Variants in SKIC3 observed in about 807,000 individuals in gnomAD.
The protein encoded by SKIC3 is superkiller complex protein 3.
the SKIC3 span, among the ~76,000 whole-genome samples, chr5:95,544,195 G>A: frequency 1.3e-5 from 2 of 152,278 alleles, no homozygotes; most frequent in Middle Eastern, 6.8e-3. Context: ...CTAAGTCAGA[G>A]TAAAGGGAGC....
At chr5:95,504,063 C>T in the SKIC3 span, 1 of 263,812 alleles carries the variant, frequency 3.8e-6, no homozygotes, top group South Asian at 5.2e-5. Flanking sequence ...AATCCCAGCA[C>T]TTTGGGAGGC....
At chr5:95,522,555 T>C in the SKIC3 span, among the ~76,000 whole-genome samples, 1 of 152,088 alleles carries the variant, frequency 6.6e-6, no homozygotes, top group Admixed American at 6.6e-5. Context: ...TTCTTTTCCT[T>C]GATTATCTTG....
chr5:95,541,639 T>C, the SKIC3 span, among the ~76,000 whole-genome samples: 1 of 152,038 alleles, frequency 6.6e-6, no homozygotes, highest in South Asian at 2.1e-4. Context: ...GTCAATCCTC[T>C]TACTAGTAGT....
the SKIC3 span, chr5:95,495,245 T>C: frequency 2.0e-6 from 1 of 512,818 alleles, no homozygotes; most frequent in Non-Finnish European, 3.5e-6. Flanking sequence ...TTTCAAAATA[T>C]TCATTTGAAG....
chr5:95,513,478 C>G, the SKIC3 span: 12 of 1,351,050 alleles, frequency 8.9e-6, no homozygotes, highest in Non-Finnish European at 1.3e-5. Flanking sequence ...CAGGCATAAG[C>G]CACTATGCCT....
the SKIC3 span, among the ~76,000 whole-genome samples, chr5:95,481,767 T>C: frequency 6.6e-6 from 1 of 152,154 alleles, no homozygotes; most frequent in Non-Finnish European, 1.5e-5. Context: ...TTATGCCAGA[T>C]AATTTTTTCA....
At chr5:95,488,401 T>G in the SKIC3 span, among the ~76,000 whole-genome samples, 1 of 151,798 alleles carries the variant, frequency 6.6e-6, no homozygotes, top group South Asian at 2.1e-4. Context: ...CCATCAAAAG[T>G]CAAAGACAAA....
chr5:95,471,200 A>C, the SKIC3 span, among the ~76,000 whole-genome samples: 1 of 152,210 alleles, frequency 6.6e-6, no homozygotes, highest in Non-Finnish European at 1.5e-5. Context: ...GGCAAAGCAC[A>C]TTCTAATACA....
chr5:95,522,359 T>A, the SKIC3 span: 1 of 1,585,864 alleles, frequency 6.3e-7, no homozygotes, highest in South Asian at 1.1e-5. Context: ...TATCTCCAAA[T>A]CTGAAAGGAA....
the SKIC3 span, chr5:95,540,845 G>T: frequency 6.2e-7 from 1 of 1,613,134 alleles, no homozygotes. Flanking sequence ...TAAAGAAGGA[G>T]ATTTTAAATT....
chr5:95,536,159 T>C, the SKIC3 span, among the ~76,000 whole-genome samples: 4 of 152,006 alleles, frequency 2.6e-5, no homozygotes, highest in Non-Finnish European at 5.9e-5. Context: ...TCTCTCTTCC[T>C]CCCAAACAAA....
chr5:95,498,780 C>T, the SKIC3 span, among the ~76,000 whole-genome samples: 6 of 152,170 alleles, frequency 3.9e-5, no homozygotes, highest in African/African-American at 2.4e-5. Flanking sequence ...CGCCCGCCAT[C>T]AGGCCCGGCT....
the SKIC3 span, among the ~76,000 whole-genome samples, chr5:95,537,710 G>A: frequency 6.6e-6 from 1 of 152,190 alleles, no homozygotes; most frequent in South Asian, 2.1e-4. Flanking sequence ...AGGCCAACAG[G>A]CCTTCTAAAT....
At chr5:95,536,318 T>C in the SKIC3 span, among the ~76,000 whole-genome samples, 1 of 152,212 alleles carries the variant, frequency 6.6e-6, no homozygotes, top group Admixed American at 6.5e-5. Context: ...CACTGTGACA[T>C]AACATCAACA....
chr5:95,471,902 T>C, the SKIC3 span, among the ~76,000 whole-genome samples: 1 of 152,164 alleles, frequency 6.6e-6, no homozygotes, highest in South Asian at 2.1e-4. Flanking sequence ...CAAAATAAAG[T>C]GTAGGGCCCT....
At chr5:95,509,416 G>C in the SKIC3 span, among the ~76,000 whole-genome samples, 212 of 152,264 alleles carry the variant, frequency 1.4e-3, no homozygotes, top group African/African-American at 5.0e-3. Context: ...ACATCTCACA[G>C]ATTGATTCCA....
the SKIC3 span, among the ~76,000 whole-genome samples, chr5:95,539,581 C>T: frequency 3.9e-5 from 6 of 152,158 alleles, no homozygotes; most frequent in African/African-American, 7.2e-5. Flanking sequence ...CAGTGGCTCA[C>T]GCCTGTAATC....
At chr5:95,464,769 C>T in the SKIC3 span, 21 of 1,093,216 alleles carry the variant, frequency 1.9e-5, no homozygotes, top group Admixed American at 5.9e-5. Context: ...AATCCAAGGG[C>T]GGCAGTCTTG....
the SKIC3 span, chr5:95,521,947 TA>T: frequency 6.9e-7 from 1 of 1,440,282 alleles, no homozygotes; most frequent in African/African-American, 1.4e-5. Flanking sequence ...TGCTGTTGAC[TA>T]AAGAAGTCCT....
Sources: gnomAD v4.1 joint callset for allele counts (sites outside exome capture counted in the v4.1 genomes callset) on GRCh38, gnomAD v4.1.1 for gene constraint, MANE v1.5 for transcripts, NCBI Gene and HGNC (gene_info 2026-07-23, HGNC 2026-07-21) for gene names.